CDH12: variants seen among roughly 807,000 people sequenced by gnomAD.
CDH12 encodes cadherin-12.
In CDH12, 41 loss-of-function variants were observed where a neutral mutation model predicts 74.1. That is an observed-to-expected ratio of 0.55 (90% CI 0.43 to 0.72). The LOEUF (loss-of-function observed/expected upper bound fraction) is 0.72, where lower values mean the gene tolerates loss of function less well. Ranked by LOEUF, CDH12 falls within the 30% of genes least tolerant of loss-of-function variation. The pLI, the probability that CDH12 is intolerant of heterozygous loss-of-function variation, is 0.00. For synonymous variants in CDH12, 399 were observed against 355.0 expected, an observed-to-expected ratio of 1.12 and a Z score of -1.39; for missense variants, 945 against 977.2, an observed-to-expected ratio of 0.97 and a Z score of 0.44.
chr5:21,977,112 A>G (rs61625993), intron 5 of CDH12, among the ~76,000 whole-genome samples: 1 of 152,042 alleles, frequency 6.6e-6, no homozygotes, highest in African/African-American at 2.4e-5. Context: ...AGTATAAGCA[A>G]AACCATAAAA....
At chr5:22,516,872 T>A (rs751105989) in intron 1 of CDH12, among the ~76,000 whole-genome samples, 40 of 151,768 alleles carry the variant, frequency 2.6e-4, no homozygotes, top group Non-Finnish European at 5.0e-4. Flanking sequence ...AAACAGTATA[T>A]TAATACAGAA....
At chr5:22,624,504 T>C (rs547235186) in intron 1 of CDH12, among the ~76,000 whole-genome samples, 3 of 152,266 alleles carry the variant, frequency 2.0e-5, no homozygotes, top group African/African-American at 4.8e-5. Flanking sequence ...ATGAAGGATA[T>C]GAACAGACAC....
At chr5:22,064,019 AC>A (rs1741384708) in intron 5 of CDH12, among the ~76,000 whole-genome samples, 22 of 148,412 alleles carry the variant, frequency 1.5e-4, no homozygotes, top group East Asian at 5.9e-4. Flanking sequence ...ACACACACAC[AC>A]AAACACACAC....
At chr5:21,765,987 G>C (rs1006664869) in intron 11 of CDH12, among the ~76,000 whole-genome samples, 5 of 151,990 alleles carry the variant, frequency 3.3e-5, no homozygotes, top group Admixed American at 2.6e-4. Flanking sequence ...GGGGAGTTTA[G>C]ATCCAAACCC....
intron 6 of CDH12, among the ~76,000 whole-genome samples, chr5:21,902,591 T>C (rs1444930918): frequency 6.6e-6 from 1 of 152,156 alleles, no homozygotes; most frequent in Non-Finnish European, 1.5e-5. Flanking sequence ...AATATGTTTC[T>C]CACTAGGTAA....
At chr5:21,764,194 G>A (rs1744877847) in intron 12 of CDH12, among the ~76,000 whole-genome samples, 2 of 151,990 alleles carry the variant, frequency 1.3e-5, no homozygotes, top group Non-Finnish European at 2.9e-5. Flanking sequence ...CTAACATGGT[G>A]AAACCCCGTC....
intron 8 of CDH12, among the ~76,000 whole-genome samples, chr5:21,819,271 T>A (rs1218814598): frequency 1.4e-4 from 21 of 151,986 alleles, no homozygotes; most frequent in Admixed American, 1.4e-3. Context: ...CCTGAGATAT[T>A]AGGAAATATA....
intron 6 of CDH12, among the ~76,000 whole-genome samples, chr5:21,871,606 G>A (rs566296818): frequency 2.0e-5 from 3 of 152,002 alleles, no homozygotes; most frequent in African/African-American, 7.2e-5. Context: ...GGTGGCACAC[G>A]CCTGTAATCC....
At chr5:22,167,723 T>C (rs1748766341) in intron 4 of CDH12, among the ~76,000 whole-genome samples, 1 of 152,184 alleles carries the variant, frequency 6.6e-6, no homozygotes, top group African/African-American at 2.4e-5. Flanking sequence ...AATACTCTTA[T>C]TTTACATAGA....
At chr5:22,195,174 G>A (rs1750549723) in intron 4 of CDH12, among the ~76,000 whole-genome samples, 1 of 152,232 alleles carries the variant, frequency 6.6e-6, no homozygotes, top group Non-Finnish European at 1.5e-5. Context: ...GTCGTAGCTA[G>A]AATCAGTGAC....
In CDH12 at chr5:22,017,424, A is replaced by G. The variant is rs77310283; in HGVS notation, c.232-42039T>C. On this transcript the variant is annotated intron_variant, in intron 5 of 14. Transcript: ENST00000382254. ...CATGCTCCTCTCTCCTCCTCACCCT[A>G]TGAAAACTTCAATCCAGCTGCTAAG... 5.9e-3 allele frequency among the ~76,000 whole-genome samples: 893 copies of G among 152,218 alleles called. 10 individuals are homozygous for G. Among genetic ancestry groups the G allele is most frequent in the South Asian group, 1.0e-2 (48 of 4,824 alleles).
intron 3 of CDH12, among the ~76,000 whole-genome samples, chr5:22,288,679 A>T (rs899480078): frequency 6.6e-6 from 1 of 152,194 alleles, no homozygotes; most frequent in Admixed American, 6.5e-5. Flanking sequence ...TGAGATTTAA[A>T]GTCTGGGATG....
chr5:22,813,778 G>A (rs1443861725), intron 1 of CDH12, among the ~76,000 whole-genome samples: 1 of 152,114 alleles, frequency 6.6e-6, no homozygotes, highest in Non-Finnish European at 1.5e-5. Context: ...GGAAATGAAT[G>A]ATGCTGACCA....
intron 1 of CDH12, among the ~76,000 whole-genome samples, chr5:22,841,686 G>C (rs1737089048): frequency 6.6e-6 from 1 of 152,140 alleles, no homozygotes; most frequent in Non-Finnish European, 1.5e-5. Context: ...TAGCTAGTGA[G>C]GCAAAAGGTA....
In CDH12 at chr5:21,971,553, C is replaced by G. The variant is rs201958289; in HGVS notation, c.526+3538G>C. Among the ~76,000 whole-genome samples the G allele has an allele frequency of 3.9e-5, 6 of 152,148 alleles. No homozygotes were observed. The East Asian group carries it at 1.2e-3, about 29-fold the overall frequency. On this transcript the variant is annotated intron_variant, in intron 6 of 14. Transcript: ENST00000382254. ...ATCTAATTATAAATAGTCAAATCAG[C>G]TGACTCAAGGTGGCATAGCTCAAGC...
intron 1 of CDH12, among the ~76,000 whole-genome samples, chr5:22,689,146 T>A (rs527888906): frequency 2.0e-5 from 3 of 152,312 alleles, no homozygotes; most frequent in East Asian, 3.9e-4. Flanking sequence ...AGAATACCTA[T>A]CTTCTCTCCA....
At chr5:22,651,841 A>C (rs571403893) in intron 1 of CDH12, among the ~76,000 whole-genome samples, 1 of 152,042 alleles carries the variant, frequency 6.6e-6, no homozygotes, top group Non-Finnish European at 1.5e-5. Context: ...ATTATATCTT[A>C]ATATATCTGT....
chr5:22,655,472 C>T (rs901573085), intron 1 of CDH12, among the ~76,000 whole-genome samples: 2 of 152,344 alleles, frequency 1.3e-5, no homozygotes, highest in South Asian at 4.1e-4. Context: ...TCCACACCAT[C>T]TTCTATTAAT....
intron 10 of CDH12, 24 bp from the exon 11 acceptor site, chr5:21,783,518 A>C (rs1342659336): frequency 6.3e-7 from 1 of 1,574,840 alleles, no homozygotes; most frequent in Admixed American, 1.7e-5. Flanking sequence ...GAGTAGATGC[A>C]AATGTGCAAT....
Sources: gnomAD v4.1 joint callset for allele counts (sites outside exome capture counted in the v4.1 genomes callset) on GRCh38, gnomAD v4.1.1 for gene constraint, MANE v1.5 for transcripts, NCBI Gene and HGNC (gene_info 2026-07-23, HGNC 2026-07-21) for gene names.